The following DMD variants were observed in gnomAD, a reference collection of about 807,000 sequenced individuals.
The protein encoded by DMD is dystrophin.
In DMD, 63 loss-of-function variants were observed where a neutral mutation model predicts 330.1. The ratio of observed to expected loss-of-function variants is 0.19; its 90% CI spans 0.16 to 0.24. DMD has a LOEUF of 0.24. DMD is among the 10% of genes least tolerant of loss of function. The probability of loss-of-function intolerance (pLI) is 1.00; values close to 1 mark genes in which losing one functional copy is unlikely to be tolerated. For synonymous variants in DMD, 1,223 were observed against 959.8 expected (o/e 1.27, Z -5.07); for missense variants, 3,344 against 2,684.1 (o/e 1.25, Z -5.43).
intron 1 of DMD, among the ~76,000 whole-genome samples, chrX:33,060,158 A>T (rs749839149): frequency 9.0e-6 from 1 of 111,262 alleles, no homozygotes; most frequent in Non-Finnish European, 1.9e-5. Context: ...GATTGAGCTC[A>T]ATTTGAATAC....
At chrX:31,700,523 T>A (rs1027992706) in intron 52 of DMD, among the ~76,000 whole-genome samples, 3 of 111,968 alleles carry the variant, frequency 2.7e-5, no homozygotes. Flanking sequence ...TTCTCCTGTT[T>A]TGGTAATAAA....
At chrX:31,609,388 T>C (rs2077781289) in intron 55 of DMD, among the ~76,000 whole-genome samples, 1 of 111,998 alleles carries the variant, frequency 8.9e-6, no homozygotes, top group Admixed American at 9.5e-5. Flanking sequence ...CAATACAATA[T>C]GCAAGAAAAT....
In DMD at chrX:31,655,510, G is replaced by A. The variant is rs1320353942; in HGVS notation, c.8027+2480C>T. ...GTCTTTGAGAAGAACAAGAATTTTGGGGAAAAGGGGGCAGAATGCTATGGT... is the reference window on the plus strand; with the variant it reads ...GTCTTTGAGAAGAACAAGAATTTTGAGGAAAAGGGGGCAGAATGCTATGGT... On this transcript the variant is annotated intron_variant, in intron 54 of 78. Coordinates refer to ENST00000357033, the MANE Select transcript of DMD (RefSeq NM_004006.3). Among the ~76,000 whole-genome samples the A allele has an allele frequency of 3.6e-5, 4 of 111,074 alleles. No homozygotes were observed. In the East Asian group the frequency reaches 8.4e-4, roughly 23 times the overall value.
At chrX:32,880,043 C>T (rs554217322) in intron 2 of DMD, among the ~76,000 whole-genome samples, 23 of 111,301 alleles carry the variant, frequency 2.1e-4, no homozygotes, top group African/African-American at 6.5e-4. Flanking sequence ...AAAAAAACTT[C>T]CTGGTTTTTT....
chrX:33,048,596 G>A (rs2094415198), intron 1 of DMD, among the ~76,000 whole-genome samples: 1 of 106,189 alleles, frequency 9.4e-6, no homozygotes, highest in Non-Finnish European at 1.9e-5. Context: ...GGGAGGCTGA[G>A]GGCAGGAGAA....
At chrX:31,685,821 G>C (rs2082653815) in intron 52 of DMD, among the ~76,000 whole-genome samples, 1 of 112,305 alleles carries the variant, frequency 8.9e-6, no homozygotes, top group African/African-American at 3.2e-5. Flanking sequence ...AGTTAGCCCT[G>C]GTTCCTTGCC....
chrX:32,325,431 C>G (rs1327612496), intron 41 of DMD, among the ~76,000 whole-genome samples: 1 of 111,292 alleles, frequency 9.0e-6, no homozygotes, highest in Non-Finnish European at 1.9e-5. Flanking sequence ...TAGGCATGGC[C>G]CCCTCTAATT....
At chrX:31,839,087 A>G (rs1345155221) in intron 48 of DMD, among the ~76,000 whole-genome samples, 1 of 111,882 alleles carries the variant, frequency 8.9e-6, no homozygotes, top group African/African-American at 3.2e-5. Flanking sequence ...GAGACAGGCA[A>G]CTTAATGCAA....
rs771148548 is a variant in DMD at position 32,736,606 on chromosome X, G to A, written c.650-37313C>T. Among the ~76,000 whole-genome samples, 177 of 110,741 alleles carry A rather than the reference G, an allele frequency of 1.6e-3. No individual in the cohort carries two copies. The South Asian group carries it at 0.016, about 10-fold the overall frequency. ...CGGCCATAAAAAATGATGAGTTCAT[G>A]TCCTTTGTAGGGACATGGATGAAAT... is the stretch of plus-strand genomic sequence containing the variant. On this transcript the variant is annotated intron_variant, in intron 7 of 78. Coordinates refer to ENST00000357033, the MANE Select transcript of DMD (RefSeq NM_004006.3).
intron 30 of DMD, among the ~76,000 whole-genome samples, chrX:32,396,147 G>C (rs2098042609): frequency 9.0e-6 from 1 of 110,967 alleles, no homozygotes; most frequent in African/African-American, 3.3e-5. Context: ...ACTTTTATCT[G>C]TTGGCAGGGG....
intron 43 of DMD, among the ~76,000 whole-genome samples, chrX:32,222,618 A>C (rs16990179): frequency 0.053 from 5,979 of 111,979 alleles, 316 homozygotes; most frequent in African/African-American, 0.16. Context: ...GCAGTGTTCC[A>C]CAAGTATGAG....
intron 41 of DMD, among the ~76,000 whole-genome samples, chrX:32,311,809 T>G (rs1603630466): frequency 1.8e-5 from 2 of 111,967 alleles, no homozygotes; most frequent in African/African-American, 3.2e-5. Context: ...AGCAGGCTAT[T>G]TGAATGTGAA....
chrX:32,268,864 A>T (rs1241207785), intron 43 of DMD, among the ~76,000 whole-genome samples: 1 of 110,720 alleles, frequency 9.0e-6, no homozygotes, highest in Non-Finnish European at 1.9e-5. Context: ...GTAGTGTTAC[A>T]GTAGATAGCT....
intron 1 of DMD, among the ~76,000 whole-genome samples, chrX:33,159,858 A>G (rs1007789356): frequency 2.7e-5 from 3 of 111,239 alleles, no homozygotes; most frequent in Non-Finnish European, 5.6e-5. Context: ...GAGGAATTGC[A>G]TACCTCAATT....
intron 18 of DMD, among the ~76,000 whole-genome samples, chrX:32,508,809 CT>C (rs1244775594): frequency 0.019 from 1,987 of 105,352 alleles, 46 homozygotes; most frequent in African/African-American, 0.061. Flanking sequence ...ATTTAGGAAA[CT>C]TTTTTTTTTT....
At chrX:33,311,299 A>G (rs2053845554) in intron 1 of DMD, among the ~76,000 whole-genome samples, 1 of 110,113 alleles carries the variant, frequency 9.1e-6, no homozygotes, top group African/African-American at 3.3e-5. Flanking sequence ...ACTTTAATAT[A>G]TAGATACACA....
chrX:32,215,938 A>G (rs2097110737), intron 44 of DMD, among the ~76,000 whole-genome samples: 2 of 112,412 alleles, frequency 1.8e-5, no homozygotes, highest in Admixed American at 9.4e-5. Flanking sequence ...AGGTGTTTAA[A>G]TGCTTAACTC....
At chrX:32,979,685 A>G (rs17338933) in intron 2 of DMD, among the ~76,000 whole-genome samples, 9,064 of 111,608 alleles carry the variant, frequency 0.081, 333 homozygotes, top group East Asian at 0.17. Context: ...CCTTTGGTTG[A>G]CAAATAGTGT....
intron 51 of DMD, among the ~76,000 whole-genome samples, chrX:31,773,081 C>CT (rs771443265): frequency 8.9e-6 from 1 of 112,099 alleles, no homozygotes; most frequent in East Asian, 2.8e-4. Context: ...TCCCCTTACT[C>CT]TGTCTGCCTC....
Sources: allele counts gnomAD v4.1 joint callset (sites outside exome capture counted in the v4.1 genomes callset), GRCh38; gene constraint gnomAD v4.1.1; transcripts MANE v1.5; gene names NCBI Gene and HGNC (gene_info 2026-07-23, HGNC 2026-07-21).